DDX46: variants seen among roughly 807,000 people sequenced by gnomAD.
DDX46 encodes probable ATP-dependent RNA helicase DDX46.
Under a neutral mutation model 134.9 loss-of-function variants are expected in DDX46, and 30 were observed. The ratio of observed to expected loss-of-function variants is 0.22; its 90% confidence interval spans 0.17 to 0.30. The LOEUF (loss-of-function observed/expected upper bound fraction) is 0.30. Among genes scored for constraint, DDX46 ranks in the 10% least tolerant of loss-of-function variants. The probability of loss-of-function intolerance (pLI) is 1.00; values close to 1 mark genes in which losing one functional copy is unlikely to be tolerated. For missense variants in DDX46, 622 were observed against 1,248.7 expected, an observed-to-expected ratio of 0.50 and a Z score of 7.56; for synonymous variants, 415 against 404.1, an observed-to-expected ratio of 1.03 and a Z score of -0.32.
At chr5:134,778,558 TG>T (rs1005375844) in intron 6 of DDX46, among the ~76,000 whole-genome samples, 1 of 152,112 alleles carries the variant, frequency 6.6e-6, no homozygotes, top group African/African-American at 2.4e-5. Flanking sequence ...AGTAGTATTT[TG>T]TTTCATTTTA....
chr5:134,766,953 G>A lies in DDX46; in HGVS notation c.243G>A (p.Glu81=), dbSNP rs1753587627. The part of the protein sequence containing the change: ...SRSRERDRSR[E]RRRSRSRDRR... ...GTAGAGAGAGAGACAGAAGCCGAGA[G>A]CGAAGAAGATCTCGAAGTAGAGACA... Residue 81 remains glutamate, a synonymous_variant, in exon 3 of 23, where the codon GAG becomes GAA. Coordinates refer to ENST00000452510, the MANE Select transcript of DDX46 (RefSeq NM_001300860.2). 1.9e-6 allele frequency: 3 copies of A among 1,614,090 alleles called. No individual in the cohort carries two copies. Among genetic ancestry groups the A allele is most frequent in the Non-Finnish European group, 2.5e-6 (3 of 1,180,010 alleles).
At chr5:134,796,497 A>G (rs532637356) in intron 15 of DDX46, among the ~76,000 whole-genome samples, 17 of 152,318 alleles carry the variant, frequency 1.1e-4, no homozygotes, top group African/African-American at 3.8e-4. Context: ...GTAACGTTTT[A>G]ATTTCTTGTG....
intron 15 of DDX46, among the ~76,000 whole-genome samples, chr5:134,807,242 G>A (rs911967404): frequency 6.8e-6 from 1 of 146,660 alleles, no homozygotes; most frequent in South Asian, 2.1e-4. Flanking sequence ...GGCTGGTCTC[G>A]AACTCCTGAC....
chr5:134,759,939 T>C (rs1753326354), intron 1 of DDX46, among the ~76,000 whole-genome samples: 1 of 152,224 alleles, frequency 6.6e-6, no homozygotes, highest in African/African-American at 2.4e-5. Context: ...TTCTTCTCTC[T>C]CACTACCCAC....
At chr5:134,798,831 A>G (rs902252960) in intron 15 of DDX46, among the ~76,000 whole-genome samples, 4 of 152,212 alleles carry the variant, frequency 2.6e-5, no homozygotes, top group African/African-American at 7.2e-5. Context: ...AAGGCTGACT[A>G]ATATTCCATT....
At chr5:134,777,153 G>GTT (rs1753967498) in intron 5 of DDX46, among the ~76,000 whole-genome samples, 14 of 152,150 alleles carry the variant, frequency 9.2e-5, no homozygotes, top group Admixed American at 9.2e-4. Flanking sequence ...GGGAGGCGGA[G>GTT]CTTGCAGTGA....
At chr5:134,803,919 T>TTC (rs920445132) in intron 15 of DDX46, among the ~76,000 whole-genome samples, 1 of 66,156 alleles carries the variant, frequency 1.5e-5, no homozygotes, top group East Asian at 1.6e-3. Flanking sequence ...ATGATTCTTC[T>TTC]TTTTTTTTTT....
chr5:134,767,952 A>G (rs1037129902), intron 3 of DDX46, among the ~76,000 whole-genome samples: 5 of 149,876 alleles, frequency 3.3e-5, no homozygotes, highest in Admixed American at 6.7e-5. Flanking sequence ...CTCCTTCTCA[A>G]AAAAAAAAAA....
chr5:134,807,404 C>A (rs778892822), intron 15 of DDX46, among the ~76,000 whole-genome samples: 1 of 152,086 alleles, frequency 6.6e-6, no homozygotes, highest in Non-Finnish European at 1.5e-5. Flanking sequence ...AAATAACCTA[C>A]AGGGAAAGGA....
In DDX46 at chr5:134,817,705, C is replaced by T. The variant is rs1755319752; in HGVS notation, c.2823C>T (p.Asp941=). ...ATGAAGAAGAATTAGAGATCAATGACTTCCCACAGGCAAGTAACAGGTTTA... is the reference window on the plus strand; with the variant it reads ...ATGAAGAAGAATTAGAGATCAATGATTTCCCACAGGCAAGTAACAGGTTTA... ...KRYEEELEIN[D]FPQTARWKVT... The change falls in exon 20 of 23, where the codon GAC becomes GAT. Residue 941 remains aspartate, a synonymous_variant. Coordinates refer to ENST00000452510, the MANE Select transcript of DDX46 (RefSeq NM_001300860.2). 2 of 1,613,644 alleles carry T rather than the reference C, an allele frequency of 1.2e-6. No homozygotes were observed. The highest frequency in any genetic ancestry group is 2.7e-5 in the African/African-American group (2 of 74,898).
chr5:134,766,852 A>G, intron 2 of DDX46, 65 bp from the exon 3 acceptor site: 1 of 1,529,006 alleles, frequency 6.5e-7, no homozygotes, highest in South Asian at 1.3e-5. Flanking sequence ...GTGGGACAGA[A>G]TCCCCTGATC....
At chr5:134,790,652 C>A in intron 13 of DDX46, 100 bp downstream of exon 13, 1 of 1,009,174 alleles carries the variant, frequency 9.9e-7, no homozygotes, top group Non-Finnish European at 1.5e-6. Flanking sequence ...CACACACACA[C>A]TTTTCTGTTG....
intron 1 of DDX46, among the ~76,000 whole-genome samples, chr5:134,761,324 C>T (rs549542652): frequency 1.3e-5 from 2 of 152,254 alleles, no homozygotes; most frequent in Admixed American, 1.3e-4. Context: ...TGTGCCCAGC[C>T]AATTGGTGTT....
intron 20 of DDX46, 58 bp from the exon 21 acceptor site, chr5:134,818,802 C>T: frequency 4.6e-6 from 7 of 1,531,634 alleles, no homozygotes; most frequent in Non-Finnish European, 5.3e-6. Context: ...TGTCAGCACT[C>T]CTGGATTTTT....
At chr5:134,797,176 A>C in intron 15 of DDX46, 1 of 278,244 alleles carries the variant, frequency 3.6e-6, no homozygotes, top group African/African-American at 2.5e-5. Context: ...TCAAAAAAAA[A>C]AAAAAAAAAA....
At chr5:134,807,657 C>T (rs1755030257) in intron 15 of DDX46, 91 bp from the exon 16 acceptor site, 1 of 1,174,348 alleles carries the variant, frequency 8.5e-7, no homozygotes, top group Non-Finnish European at 1.2e-6. Flanking sequence ...TTGGATGTGT[C>T]AATTTGTTCT....
intron 3 of DDX46, among the ~76,000 whole-genome samples, chr5:134,767,355 T>C (rs1453827801): frequency 1.3e-5 from 2 of 152,128 alleles, no homozygotes. Context: ...TCATTTTCTT[T>C]TCAGGCAGGG....
intron 21 of DDX46, among the ~76,000 whole-genome samples, chr5:134,824,953 C>G (rs965879748): frequency 6.6e-6 from 1 of 152,162 alleles, no homozygotes; most frequent in Non-Finnish European, 1.5e-5. Flanking sequence ...GTGACCCTCT[C>G]TTTTTACTAG....
At chr5:134,800,163 G>A (rs1031724306) in intron 15 of DDX46, among the ~76,000 whole-genome samples, 11 of 152,106 alleles carry the variant, frequency 7.2e-5, no homozygotes, top group African/African-American at 2.4e-4. Context: ...GGCCAGGATG[G>A]TCTCAAACGC....
Sources: allele counts gnomAD v4.1 joint callset (sites outside exome capture counted in the v4.1 genomes callset), GRCh38; gene constraint gnomAD v4.1.1; transcripts MANE v1.5; gene names NCBI Gene and HGNC (gene_info 2026-07-23, HGNC 2026-07-21).